DAB1: variants seen among roughly 807,000 people sequenced by gnomAD.
DAB1 encodes disabled homolog 1.
Under a neutral mutation model 64.6 loss-of-function variants are expected in DAB1, and 15 were observed. That is an observed-to-expected ratio of 0.23 (90% CI 0.16 to 0.36). The LOEUF (loss-of-function observed/expected upper bound fraction) is 0.36, where lower values mean the gene tolerates loss of function less well. Ranked by LOEUF, DAB1 falls within the 10% of genes least tolerant of loss-of-function variation. The probability of loss-of-function intolerance (pLI) is 1.00; values close to 1 mark genes in which losing one functional copy is unlikely to be tolerated. For missense variants in DAB1, 596 were observed against 706.7 expected (o/e 0.84, Z 1.78); for synonymous variants, 235 against 251.9 (o/e 0.93, Z 0.64).
chr1:57,695,290 GAGAGAGAAGGAAAGAAAGAA>G lies in DAB1; in HGVS notation n.552-45645_552-45626del, dbSNP rs1557427620. Among the ~76,000 whole-genome samples the G allele has an allele frequency of 6.9e-4, 45 of 64,772 alleles. 1 individual carries two copies. The highest frequency in any genetic ancestry group is 2.8e-3 in the African/African-American group (44 of 15,882). The allele number at this position is 64,772 out of a possible 152,430, so 42.5% of individuals were successfully genotyped here. On this transcript the variant is annotated intron_variant and non_coding_transcript_variant, in intron 6 of 20. Coordinates refer to the DAB1 transcript ENST00000485760. ...GAAGGAAGGAAGGAAGGAAGAAAGGGAGAGAGAAGGAAAGAAAGAAAGAAAGAAAGAAAGAAAGAAAGAAA... is the reference window on the plus strand; with the variant it reads ...GAAGGAAGGAAGGAAGGAAGAAAGGGAGAAAGAAAGAAAGAAAGAAAGAAA...
intron 3 of DAB1, among the ~76,000 whole-genome samples, chr1:58,422,629 G>T (rs1467522595): frequency 7.0e-6 from 1 of 141,854 alleles, no homozygotes; most frequent in Non-Finnish European, 1.5e-5. Flanking sequence ...TTTTGAGACA[G>T]AGTCACGTTC....
At chr1:58,368,557 T>C (rs61779004) in intron 3 of DAB1, among the ~76,000 whole-genome samples, 1 of 71,792 alleles carries the variant, frequency 1.4e-5, no homozygotes, top group Non-Finnish European at 2.9e-5. Context: ...TATTTTTAAT[T>C]GTTTGTTTTT....
intron 7 of DAB1, among the ~76,000 whole-genome samples, chr1:57,568,432 G>T (rs992181688): frequency 6.3e-4 from 96 of 152,214 alleles, no homozygotes; most frequent in Admixed American, 2.4e-3. Flanking sequence ...AAATGGGATC[G>T]AATTAAACTA....
chr1:57,853,406 A>G (rs554846285), intron 1 of DAB1, among the ~76,000 whole-genome samples: 77 of 152,306 alleles, frequency 5.1e-4, no homozygotes, highest in African/African-American at 1.7e-3. Flanking sequence ...TTTTTGCTGT[A>G]TATTTTGTGA....
In DAB1 at chr1:57,350,509, G is replaced by T. The variant is rs114332547; in HGVS notation, c.-136-59343C>A. 5.1e-3 allele frequency among the ~76,000 whole-genome samples: 769 copies of T among 152,164 alleles called. 5 individuals carry two copies. Among genetic ancestry groups the T allele is most frequent in the Non-Finnish European group, 8.4e-3 (573 of 67,996 alleles). On this transcript the variant is annotated intron_variant, in intron 1 of 14. Transcript: ENST00000371236. ...GAAAAGCATATCCTGCTCCCACTTG[G>T]CCCCGACTGCTGAATGGAATGAGCT... is the stretch of plus-strand genomic sequence containing the variant.
chr1:57,424,775 C>T (rs907436112), upstream of DAB1, among the ~76,000 whole-genome samples: 2 of 152,100 alleles, frequency 1.3e-5, no homozygotes, highest in Non-Finnish European at 2.9e-5. Context: ...AGGCAAAGTT[C>T]GGCAAGTTGG....
At chr1:58,337,740 T>C (rs958222477) in intron 4 of DAB1, among the ~76,000 whole-genome samples, 1 of 152,132 alleles carries the variant, frequency 6.6e-6, no homozygotes, top group Non-Finnish European at 1.5e-5. Flanking sequence ...TAATCATATA[T>C]GAAAATGGAC....
intron 7 of DAB1, among the ~76,000 whole-genome samples, chr1:57,463,460 T>C (rs898213848): frequency 6.6e-6 from 1 of 152,172 alleles, no homozygotes; most frequent in Non-Finnish European, 1.5e-5. Flanking sequence ...CATTTTGCCA[T>C]GAGGGAGGCA....
chr1:57,367,111 A>C (rs1373776372), intron 1 of DAB1, among the ~76,000 whole-genome samples: 3 of 130,992 alleles, frequency 2.3e-5, no homozygotes, highest in Non-Finnish European at 4.9e-5. Context: ...AATAAAATAA[A>C]ATAAAATAAA....
At chr1:57,506,147 A>AGG (rs1336111116) in intron 7 of DAB1, among the ~76,000 whole-genome samples, 1 of 152,234 alleles carries the variant, frequency 6.6e-6, no homozygotes, top group African/African-American at 2.4e-5. Context: ...TGAGCCCAGC[A>AGG]GGGCTGTTGA....
chr1:57,464,154 G>T (rs1686880278), intron 7 of DAB1, among the ~76,000 whole-genome samples: 1 of 152,080 alleles, frequency 6.6e-6, no homozygotes, highest in Non-Finnish European at 1.5e-5. Context: ...AATCCTTAAA[G>T]AACTATCATG....
At chr1:57,002,998 T>G (rs1013724427) in intron 14 of DAB1, among the ~76,000 whole-genome samples, 3 of 152,258 alleles carry the variant, frequency 2.0e-5, no homozygotes, top group Non-Finnish European at 2.9e-5. Context: ...ATCCTCCCTT[T>G]ATAGACAATG....
chr1:57,107,134 G>A (rs547783439), intron 4 of DAB1, among the ~76,000 whole-genome samples: 2 of 152,068 alleles, frequency 1.3e-5, no homozygotes, highest in South Asian at 4.2e-4. Context: ...CAGCACTTTG[G>A]GGGGCTGAGG....
At chr1:57,104,491 G>C (rs146968026) in intron 4 of DAB1, among the ~76,000 whole-genome samples, 28 of 152,324 alleles carry the variant, frequency 1.8e-4, no homozygotes, top group African/African-American at 6.5e-4. Flanking sequence ...GGGAATTAGG[G>C]CAGGGAGGGC....
rs117494440 is a variant in DAB1, at chr1:58,308,770, T to G, written n.309+34582A>C. The stretch of plus-strand genomic sequence containing the variant: ...CTCTGTGCAGAAATCACTAGAACAC[T>G]TGGCTGTGTTCCTTACCCGGTAAAA... On this transcript the variant is annotated intron_variant and non_coding_transcript_variant, in intron 4 of 20. Transcript: ENST00000485760. Among the ~76,000 whole-genome samples, 6 of 152,278 alleles carry G rather than the reference T, an allele frequency of 3.9e-5. No homozygotes were observed. The East Asian group carries it at 1.2e-3, about 29-fold the overall frequency.
chr1:57,432,210 T>G (rs1415973907), intron 7 of DAB1, among the ~76,000 whole-genome samples: 1 of 152,196 alleles, frequency 6.6e-6, no homozygotes, highest in Admixed American at 6.5e-5. Flanking sequence ...CCACATATTT[T>G]GTAGCCTCTA....
intron 7 of DAB1, among the ~76,000 whole-genome samples, chr1:57,449,095 G>A (rs1015963323): frequency 1.4e-4 from 21 of 152,090 alleles, no homozygotes; most frequent in Admixed American, 1.2e-3. Flanking sequence ...ATCAGGAGAA[G>A]AGGCACAACT....
chr1:58,320,252 C>A (rs1662651115), intron 4 of DAB1, among the ~76,000 whole-genome samples: 1 of 152,170 alleles, frequency 6.6e-6, no homozygotes, highest in Non-Finnish European at 1.5e-5. Context: ...TGGGCAGTGA[C>A]ACAAATTGAA....
chr1:57,161,669 T>C (rs984237675), intron 2 of DAB1, among the ~76,000 whole-genome samples: 1 of 152,186 alleles, frequency 6.6e-6, no homozygotes, highest in African/African-American at 2.4e-5. Context: ...GTGCTTTTTA[T>C]TTTTTTAACT....
Sources: gnomAD v4.1 joint callset for allele counts (sites outside exome capture counted in the v4.1 genomes callset) on GRCh38, gnomAD v4.1.1 for gene constraint, MANE v1.5 for transcripts, NCBI Gene and HGNC (gene_info 2026-07-23, HGNC 2026-07-21) for gene names.